ARF3: variants seen among roughly 807,000 people sequenced by gnomAD.
ARF3 encodes the protein ARF GTPase 3, also known as ADP-ribosylation factor 3.
In ARF3, 5 loss-of-function variants were observed where a neutral mutation model predicts 19.3. That is an observed-to-expected ratio of 0.26 (90% CI 0.14 to 0.54). The LOEUF is 0.54. Ranked by LOEUF, ARF3 falls within the 20% of genes least tolerant of loss-of-function variation. The pLI is 0.95. For synonymous variants in ARF3, 71 were observed against 89.2 expected (o/e 0.80, Z 1.15); for missense variants, 77 against 234.2 (o/e 0.33, Z 4.38).
chr12:48,950,898 G>A (rs1164807813), intron 1 of ARF3, among the ~76,000 whole-genome samples: 1 of 151,844 alleles, frequency 6.6e-6, no homozygotes, highest in Non-Finnish European at 1.5e-5. Context: ...CGATTCTCCT[G>A]CCTCAGCCTC....
At chr12:48,947,901 T>C (rs1161671557) in intron 1 of ARF3, among the ~76,000 whole-genome samples, 3 of 151,792 alleles carry the variant, frequency 2.0e-5, no homozygotes, top group African/African-American at 7.3e-5. Context: ...GCAGGGGAAG[T>C]GTGTGCAAAG....
At chr12:48,940,557 C>T (rs1045660839) in intron 2 of ARF3, among the ~76,000 whole-genome samples, 4 of 152,250 alleles carry the variant, frequency 2.6e-5, no homozygotes, top group African/African-American at 9.6e-5. Flanking sequence ...CCCCCATCTA[C>T]ATAGCAAATG....
In ARF3 at chr12:48,940,028, G is replaced by A. The variant is rs748853094; in HGVS notation, c.228C>T (p.Pro76=). ...WDVGGQDKIR[P]LWRHYFQNTQ... is the part of the protein sequence containing the mutation. ...TGTTCTGGAAGTAGTGTCTCCAGAG[G>A]GGTCGAATCTTGTCCTGGCCACCCA... The change falls in exon 3 of 5, where the codon CCC becomes CCT. Residue 76 remains proline, a synonymous_variant. Coordinates refer to ENST00000256682, the MANE Select transcript of ARF3 (RefSeq NM_001659.3). 1.8e-5 allele frequency: 29 copies of A among 1,614,152 alleles called. No homozygotes were observed. Among genetic ancestry groups the A allele is most frequent in the Non-Finnish European group, 2.5e-5 (29 of 1,180,026 alleles).
Position 48,938,431 on chromosome 12 carries a change from C to A in ARF3, c.*516G>T. ...TGAGCTTCACTCCACCCCCTCCCCG[C>A]TCCCCCCGGCCCCCACAAATATATC... On this transcript the variant is annotated 3_prime_UTR_variant, in exon 5 of 5. Transcript: ENST00000256682. 2.2e-6 allele frequency: 1 copy of A among 453,844 alleles called. No homozygotes were observed. Among genetic ancestry groups the A allele is most frequent in the Non-Finnish European group, 4.4e-6 (1 of 226,840 alleles). The allele number at this position is 453,844 out of a possible 1,614,324, so 28.1% of individuals were successfully genotyped here. A position where few individuals can be genotyped will look rare whatever the true frequency, so the allele number is the denominator to read the frequency against.
intron 1 of ARF3, among the ~76,000 whole-genome samples, chr12:48,944,103 A>T (rs1471138111): frequency 6.6e-6 from 1 of 152,260 alleles, no homozygotes; most frequent in African/African-American, 2.4e-5. Flanking sequence ...CCTCTTGCTC[A>T]GGCAGCCTTT....
intron 1 of ARF3, among the ~76,000 whole-genome samples, chr12:48,946,873 G>A (rs755813149): frequency 6.6e-6 from 1 of 152,168 alleles, no homozygotes; most frequent in Non-Finnish European, 1.5e-5. Flanking sequence ...CCTGATTCCA[G>A]TGAATGATCC....
intron 1 of ARF3, among the ~76,000 whole-genome samples, chr12:48,952,218 G>A (rs1940484718): frequency 1.3e-5 from 2 of 152,228 alleles, no homozygotes; most frequent in Admixed American, 6.5e-5. Flanking sequence ...CGCCACAGCT[G>A]TGAAGTGAAG....
intron 1 of ARF3, among the ~76,000 whole-genome samples, chr12:48,946,142 T>C (rs1249692669): frequency 6.6e-6 from 1 of 152,156 alleles, no homozygotes; most frequent in Non-Finnish European, 1.5e-5. Flanking sequence ...TTGACTTAAA[T>C]GAGCATTTCA....
chr12:48,943,122 A>G (rs1165577966), intron 1 of ARF3, among the ~76,000 whole-genome samples: 1 of 152,118 alleles, frequency 6.6e-6, no homozygotes, highest in Non-Finnish European at 1.5e-5. Context: ...AATAATAATA[A>G]TAGTAATAAC....
chr12:48,946,818 C>G (rs970744025), intron 1 of ARF3, among the ~76,000 whole-genome samples: 4 of 152,188 alleles, frequency 2.6e-5, no homozygotes, highest in Non-Finnish European at 5.9e-5. Context: ...TCTCCAGGTG[C>G]TTTTGAGAGT....
intron 1 of ARF3, among the ~76,000 whole-genome samples, chr12:48,946,780 A>G (rs1371469167): frequency 2.6e-5 from 4 of 152,210 alleles, no homozygotes; most frequent in Non-Finnish European, 1.5e-5. Flanking sequence ...CTTTCCTTAC[A>G]TATGTTGCAG....
chr12:48,955,683 A>G (rs558328229), intron 1 of ARF3: 5 of 152,294 alleles, frequency 3.3e-5, no homozygotes, highest in African/African-American at 1.2e-4. Flanking sequence ...TAAATTCATC[A>G]TGGGTACCTA....
rs1940153834 is a variant in ARF3, at chr12:48,936,905, G to C, written c.*2042C>G. On this transcript the variant is annotated 3_prime_UTR_variant, in exon 5 of 5. Transcript: ENST00000256682. ...TGGGGCAAGACAAAATAAATCTGAG[G>C]AAACAGAGCAAATAAAAAGTATGGA... 6.6e-6 allele frequency: 1 copy of C among 152,136 alleles called. No homozygotes were observed. The highest frequency in any genetic ancestry group is 2.1e-4 in the South Asian group (1 of 4,826). 9.4% of individuals were successfully genotyped at this position (152,136 alleles called of 1,614,324 possible).
intron 1 of ARF3, among the ~76,000 whole-genome samples, chr12:48,948,760 A>G (rs1459238201): frequency 1.3e-5 from 2 of 152,088 alleles, no homozygotes; most frequent in Non-Finnish European, 2.9e-5. Flanking sequence ...GCAGTGAGCC[A>G]AGATCACATC....
chr12:48,947,570 T>C (rs984088338), intron 1 of ARF3, among the ~76,000 whole-genome samples: 1 of 152,126 alleles, frequency 6.6e-6, no homozygotes, highest in Non-Finnish European at 1.5e-5. Context: ...CCCCCCAAAG[T>C]GCTGGGATTA....
intron 1 of ARF3, among the ~76,000 whole-genome samples, chr12:48,946,049 T>A (rs752085286): frequency 6.6e-6 from 1 of 152,210 alleles, no homozygotes; most frequent in African/African-American, 2.4e-5. Context: ...GCAATCCACC[T>A]GCCTTGGCCT....
At chr12:48,947,914 A>T (rs946040989) in intron 1 of ARF3, among the ~76,000 whole-genome samples, 1 of 152,028 alleles carries the variant, frequency 6.6e-6, no homozygotes, top group Non-Finnish European at 1.5e-5. Flanking sequence ...GTGCAAAGGC[A>T]TAAAGACTGA....
chr12:48,952,326 T>C (rs1765007870), intron 1 of ARF3, among the ~76,000 whole-genome samples: 1 of 152,228 alleles, frequency 6.6e-6, no homozygotes, highest in South Asian at 2.1e-4. Flanking sequence ...TCAGAAAAGA[T>C]GACAAGGTCT....
At position 48,939,177 on chromosome 12, in the gene ARF3, A is replaced by T; in HGVS notation, c.385-69T>A. ...TTAAAGGCTTCTAGAACACCCATCT[A>T]CCAAAGAAATGTGTACCAGCACCTT... is the stretch of plus-strand genomic sequence containing the variant. On this transcript the variant is annotated intron_variant, in intron 4 of 4. Transcript: ENST00000256682. The surrounding 1 kb of genome is among the most constrained non-coding windows in gnomAD (Gnocchi z 4.8). 2 of 1,527,500 alleles carry T rather than the reference A, an allele frequency of 1.3e-6. No homozygotes were observed. The highest frequency in any genetic ancestry group is 8.9e-7 in the Non-Finnish European group (1 of 1,124,732). The allele number at this position is 1,527,500 out of a possible 1,614,324, so 94.6% of individuals were successfully genotyped here.
Sources: gnomAD v4.1 joint callset for allele counts (sites outside exome capture counted in the v4.1 genomes callset) on GRCh38, gnomAD v4.1.1 for gene constraint, Gnocchi (gnomAD v3.1) non-coding constraint, MANE v1.5 for transcripts, NCBI Gene and HGNC (gene_info 2026-07-23, HGNC 2026-07-21) for gene names.